The following RASA1 variants were observed in gnomAD, a reference collection of about 807,000 sequenced individuals.
RASA1 encodes the protein RAS p21 protein activator 1, also known as ras GTPase-activating protein 1.
In RASA1, 25 loss-of-function variants were observed where a neutral mutation model predicts 132.2. The ratio of observed to expected loss-of-function variants is 0.19; its 90% CI spans 0.14 to 0.26. The LOEUF (loss-of-function observed/expected upper bound fraction) is 0.26, where lower values mean the gene tolerates loss of function less well. RASA1 is among the 10% of genes least tolerant of loss of function. The probability of loss-of-function intolerance (pLI) is 1.00; values close to 1 mark genes in which losing one functional copy is unlikely to be tolerated. For synonymous variants in RASA1, 477 were observed against 449.9 expected, an observed-to-expected ratio of 1.06 and a Z score of -0.76; for missense variants, 964 against 1,299.2, an observed-to-expected ratio of 0.74 and a Z score of 3.97.
intron 12 of RASA1, 69 bp from the exon 13 acceptor site, chr5:87,372,049 A>AG: frequency 6.9e-7 from 1 of 1,445,010 alleles, no homozygotes; most frequent in Non-Finnish European, 9.5e-7. Flanking sequence ...GAAAAAAAAA[A>AG]CCTAACTGAT....
intron 3 of RASA1, 149 bp from the exon 4 acceptor site, chr5:87,333,118 T>C: frequency 8.4e-7 from 1 of 1,195,850 alleles, no homozygotes; most frequent in Non-Finnish European, 1.1e-6. Context: ...TTCTAGGCAC[T>C]GGGTATTTAT....
At chr5:87,343,389 C>CT (rs1758619759) in intron 6 of RASA1, among the ~76,000 whole-genome samples, 1 of 152,112 alleles carries the variant, frequency 6.6e-6, no homozygotes, top group African/African-American at 2.4e-5. Context: ...TCATCAAATC[C>CT]TTTTTTCCAG....
At chr5:87,307,426 A>T (rs1580223866) in intron 1 of RASA1, among the ~76,000 whole-genome samples, 1 of 152,194 alleles carries the variant, frequency 6.6e-6, no homozygotes, top group East Asian at 1.9e-4. Context: ...GTGCCACTGC[A>T]CTCCAGCCTG....
chr5:87,328,040 A>G (rs1160284609), intron 1 of RASA1, among the ~76,000 whole-genome samples: 1 of 151,992 alleles, frequency 6.6e-6, no homozygotes, highest in East Asian at 1.9e-4. Context: ...TGTTTTTTAC[A>G]TTGGCATGGT....
chr5:87,279,500 C>T (rs1279725100), intron 1 of RASA1, among the ~76,000 whole-genome samples: 2 of 152,068 alleles, frequency 1.3e-5, no homozygotes, highest in East Asian at 3.9e-4. Context: ...CATAAGTTTT[C>T]ATTTCTGTCA....
At chr5:87,376,752 A>T in intron 16 of RASA1, 129 bp from the exon 17 acceptor site, 2 of 1,211,048 alleles carry the variant, frequency 1.7e-6, no homozygotes, top group Non-Finnish European at 2.3e-6. Flanking sequence ...ATTCTATTTT[A>T]AATAAATTTA....
At chr5:87,354,862 TAGAGAA>T (rs1759535233) in intron 9 of RASA1, among the ~76,000 whole-genome samples, 1 of 152,148 alleles carries the variant, frequency 6.6e-6, no homozygotes, top group South Asian at 2.1e-4. Flanking sequence ...ATTGCTGATA[TAGAGAA>T]AATTTGAGTG....
chr5:87,282,529 AGG>A (rs1754362152), intron 1 of RASA1, among the ~76,000 whole-genome samples: 2 of 152,230 alleles, frequency 1.3e-5, no homozygotes, highest in South Asian at 4.1e-4. Context: ...GTGATATGTC[AGG>A]GTTTCTGTGG....
At chr5:87,298,478 C>T (rs2112279821) in intron 1 of RASA1, among the ~76,000 whole-genome samples, 1 of 151,140 alleles carries the variant, frequency 6.6e-6, no homozygotes, top group Non-Finnish European at 1.5e-5. Flanking sequence ...CAGCTTAAAG[C>T]CTGTTTAAAG....
chr5:87,330,360 TAA>T (rs1757521106), intron 1 of RASA1, among the ~76,000 whole-genome samples: 1 of 152,124 alleles, frequency 6.6e-6, no homozygotes, highest in Admixed American at 6.6e-5. Context: ...AGATTACAAA[TAA>T]ACTTTGGTAA....
intron 15 of RASA1, chr5:87,376,134 C>T: frequency 2.0e-6 from 1 of 503,210 alleles, no homozygotes; most frequent in South Asian, 2.1e-5. Flanking sequence ...TGATTTCTTG[C>T]CTTCTTGACT....
At chr5:87,363,704 T>C (rs914275422) in intron 11 of RASA1, among the ~76,000 whole-genome samples, 200 bp downstream of exon 11, 3 of 152,182 alleles carry the variant, frequency 2.0e-5, no homozygotes, top group East Asian at 1.9e-4. Flanking sequence ...CAGAAATCTT[T>C]GGCATGACAT....
chr5:87,373,859 C>T (rs1479655547), intron 13 of RASA1, among the ~76,000 whole-genome samples: 5 of 151,752 alleles, frequency 3.3e-5, no homozygotes, highest in Non-Finnish European at 1.5e-5. Context: ...TTCATTTTCT[C>T]TTTATCATTG....
intron 23 of RASA1, among the ~76,000 whole-genome samples, chr5:87,387,104 T>C (rs914800733): frequency 2.0e-5 from 3 of 152,168 alleles, no homozygotes; most frequent in African/African-American, 4.8e-5. Context: ...CTAAATAGTT[T>C]ACACCAAAGC....
At chr5:87,380,038 C>T (rs539806418) in intron 19 of RASA1, among the ~76,000 whole-genome samples, 188 bp downstream of exon 19, 6 of 152,210 alleles carry the variant, frequency 3.9e-5, no homozygotes, top group South Asian at 4.1e-4. Context: ...CCATTATTTT[C>T]GTACAAGCCA....
chr5:87,378,965 CTT>C (rs1442307581), intron 18 of RASA1, among the ~76,000 whole-genome samples: 1 of 151,968 alleles, frequency 6.6e-6, no homozygotes, highest in Non-Finnish European at 1.5e-5. Context: ...ACAAAAAAAT[CTT>C]TTTAGGATTA....
At chr5:87,349,427 C>T in intron 8 of RASA1, 63 bp downstream of exon 8, 2 of 1,554,548 alleles carry the variant, frequency 1.3e-6, no homozygotes, top group South Asian at 2.3e-5. Flanking sequence ...CTTGATAATA[C>T]AGTATTCAGA....
chr5:87,356,798 A>G (rs1026950683), intron 9 of RASA1, among the ~76,000 whole-genome samples: 3 of 152,194 alleles, frequency 2.0e-5, no homozygotes, highest in African/African-American at 7.2e-5. Flanking sequence ...TGCGAAACCA[A>G]AAAATTCATA....
At chr5:87,377,770 A>G (rs1001251956) in intron 17 of RASA1, among the ~76,000 whole-genome samples, 7 of 152,084 alleles carry the variant, frequency 4.6e-5, no homozygotes, top group African/African-American at 1.7e-4. Flanking sequence ...CACACACACC[A>G]CCAAGCACTT....
Sources: gnomAD v4.1 joint callset for allele counts (sites outside exome capture counted in the v4.1 genomes callset) on GRCh38, gnomAD v4.1.1 for gene constraint, MANE v1.5 for transcripts, NCBI Gene and HGNC (gene_info 2026-07-23, HGNC 2026-07-21) for gene names.